Variants in RGS7 observed in about 807,000 individuals in gnomAD.
RGS7 encodes the protein regulator of G-protein signaling 7.
In RGS7, 27 loss-of-function variants were observed where a neutral mutation model predicts 81.1. That is an observed-to-expected ratio of 0.33 (90% confidence interval 0.25 to 0.46). RGS7 has a LOEUF of 0.46. Ranked by LOEUF, RGS7 falls within the 20% of genes least tolerant of loss-of-function variation. The probability of loss-of-function intolerance (pLI) is 1.00; values close to 1 mark genes in which losing one functional copy is unlikely to be tolerated. For missense variants in RGS7, 396 were observed against 607.4 expected (o/e 0.65, Z 3.66); for synonymous variants, 208 against 207.7 (o/e 1.00, Z -0.01).
intron 2 of RGS7, among the ~76,000 whole-genome samples, chr1:241,126,566 G>A (rs1417870265): frequency 6.6e-6 from 1 of 152,172 alleles, no homozygotes; most frequent in African/African-American, 2.4e-5. Context: ...CCTTGGGAAA[G>A]TTACTCAGCA....
intron 2 of RGS7, among the ~76,000 whole-genome samples, chr1:241,127,566 T>A (rs915563833): frequency 6.6e-6 from 1 of 152,026 alleles, no homozygotes; most frequent in Non-Finnish European, 1.5e-5. Context: ...CGGGGAGGGA[T>A]AGCGTTAGGA....
At chr1:240,813,534 T>A (rs1690263237) in intron 13 of RGS7, 84 bp downstream of exon 13, 2 of 819,696 alleles carry the variant, frequency 2.4e-6, no homozygotes. Flanking sequence ...ACATTCACAA[T>A]TAGCCAACAA....
intron 2 of RGS7, among the ~76,000 whole-genome samples, chr1:241,290,946 A>C (rs1292868173): frequency 1.3e-5 from 2 of 152,236 alleles, no homozygotes; most frequent in Non-Finnish European, 2.9e-5. Context: ...ATGGCAGCAT[A>C]AAATGGCACC....
intron 6 of RGS7, among the ~76,000 whole-genome samples, chr1:240,914,469 T>C (rs1426443958): frequency 6.6e-6 from 1 of 152,188 alleles, no homozygotes; most frequent in Non-Finnish European, 1.5e-5. Context: ...CACTAATGGC[T>C]GGATTTCAGA....
intron 2 of RGS7, among the ~76,000 whole-genome samples, chr1:241,238,969 T>TCA (rs1394282607): frequency 1.4e-5 from 2 of 143,346 alleles, no homozygotes; most frequent in African/African-American, 5.1e-5. Context: ...TCTCTCTCTT[T>TCA]TTTTTTTTTT....
intron 3 of RGS7, among the ~76,000 whole-genome samples, chr1:241,096,365 A>G: frequency 6.6e-6 from 1 of 152,174 alleles, no homozygotes; most frequent in East Asian, 1.9e-4. Flanking sequence ...GCTTGAGAAC[A>G]TTATAATTTG....
chr1:240,795,329 A>G (rs1686859569), intron 18 of RGS7, among the ~76,000 whole-genome samples: 1 of 152,216 alleles, frequency 6.6e-6, no homozygotes, highest in Non-Finnish European at 1.5e-5. Context: ...AAGTAGCTAC[A>G]GTTCTTCACT....
At chr1:240,867,792 G>A (rs379830) in intron 9 of RGS7, among the ~76,000 whole-genome samples, 2,068 of 152,132 alleles carry the variant, frequency 0.014, 55 homozygotes, top group African/African-American at 0.037. Context: ...CTTGAGCTCC[G>A]GAGTTCAAGA....
intron 6 of RGS7, among the ~76,000 whole-genome samples, chr1:240,896,303 C>A (rs937753691): frequency 2.6e-5 from 4 of 152,114 alleles, no homozygotes. Context: ...TCCCATTTGT[C>A]AATTTTGTCT....
At chr1:241,188,463 C>A (rs1026034495) in intron 2 of RGS7, among the ~76,000 whole-genome samples, 2 of 151,920 alleles carry the variant, frequency 1.3e-5, no homozygotes, top group Non-Finnish European at 2.9e-5. Flanking sequence ...AAAAGAGAAC[C>A]TTAATTATAA....
intron 2 of RGS7, among the ~76,000 whole-genome samples, chr1:241,159,703 C>T (rs2069474173): frequency 6.6e-6 from 1 of 151,986 alleles, no homozygotes; most frequent in Admixed American, 6.6e-5. Context: ...GGAAGTAGGA[C>T]AGTTTGGAAA....
At chr1:241,226,391 C>G (rs2075310380) in intron 2 of RGS7, among the ~76,000 whole-genome samples, 1 of 152,144 alleles carries the variant, frequency 6.6e-6, no homozygotes, top group Non-Finnish European at 1.5e-5. Flanking sequence ...GAAGGCAAAT[C>G]TCAAAGGGTC....
chr1:240,955,812 G>T (rs1275625599), intron 4 of RGS7, among the ~76,000 whole-genome samples: 1 of 152,034 alleles, frequency 6.6e-6, no homozygotes, highest in Non-Finnish European at 1.5e-5. Context: ...ACAACCAATT[G>T]TTATGTAAAA....
intron 3 of RGS7, among the ~76,000 whole-genome samples, chr1:241,028,016 A>C (rs902945762): frequency 6.6e-6 from 1 of 152,236 alleles, no homozygotes; most frequent in Non-Finnish European, 1.5e-5. Flanking sequence ...TTGTGGAACC[A>C]CTGGAGAGAA....
At chr1:241,239,189 G>A (rs934871106) in intron 2 of RGS7, among the ~76,000 whole-genome samples, 9 of 151,632 alleles carry the variant, frequency 5.9e-5, no homozygotes, top group African/African-American at 1.5e-4. Context: ...GGATGTTCTC[G>A]ATCTCCGGAC....
intron 3 of RGS7, among the ~76,000 whole-genome samples, chr1:241,040,505 T>G (rs2060560281): frequency 6.6e-6 from 1 of 151,852 alleles, no homozygotes; most frequent in South Asian, 2.1e-4. Flanking sequence ...ATTTACTTAT[T>G]TATTTATTTA....
chr1:241,053,081 A>AGACTTTCAGGAATAAAATGAAGATT (rs1275863261), intron 3 of RGS7, among the ~76,000 whole-genome samples: 1 of 152,198 alleles, frequency 6.6e-6, no homozygotes, highest in African/African-American at 2.4e-5. Flanking sequence ...ACATACATTT[A>AGACTTTCAGGAATAAAATGAAGATT]GACTTTCAGG....
At chr1:241,183,134 C>T (rs998843459) in intron 2 of RGS7, among the ~76,000 whole-genome samples, 13 of 152,132 alleles carry the variant, frequency 8.5e-5, no homozygotes, top group Non-Finnish European at 4.4e-5. Context: ...AGAGATCGCC[C>T]AAATACCACT....
chr1:240,893,563 C>T (rs747557434), intron 6 of RGS7, among the ~76,000 whole-genome samples: 7 of 151,670 alleles, frequency 4.6e-5, no homozygotes, highest in African/African-American at 1.5e-4. Context: ...GAGAGCCTTC[C>T]CTTATTAGAA....
Sources: gnomAD v4.1 joint callset for allele counts (sites outside exome capture counted in the v4.1 genomes callset) on GRCh38, gnomAD v4.1.1 for gene constraint, MANE v1.5 for transcripts, NCBI Gene and HGNC (gene_info 2026-07-23, HGNC 2026-07-21) for gene names.